GALNT10: variants seen among roughly 807,000 people sequenced by gnomAD.
GALNT10 encodes GalNAc transferase 10.
Under a neutral mutation model 75.0 loss-of-function variants are expected in GALNT10, and 41 were observed. That is an observed-to-expected ratio of 0.55 (90% CI 0.43 to 0.71). GALNT10 has a LOEUF of 0.71. Among genes scored for constraint, GALNT10 ranks in the 30% least tolerant of loss-of-function variants. GALNT10 has a pLI of 0.00. For synonymous variants in GALNT10, 302 were observed against 313.0 expected (o/e 0.96, Z 0.37); for missense variants, 727 against 818.5 (o/e 0.89, Z 1.36).
At chr5:154,220,992 T>C (rs1410457331) in intron 1 of GALNT10, among the ~76,000 whole-genome samples, 1 of 152,248 alleles carries the variant, frequency 6.6e-6, no homozygotes, top group Non-Finnish European at 1.5e-5. Flanking sequence ...TAAAGCCATC[T>C]GTGCCTGCAG....
intron 1 of GALNT10, among the ~76,000 whole-genome samples, chr5:154,253,281 T>G (rs9324767): frequency 6.7e-6 from 1 of 149,880 alleles, no homozygotes; most frequent in Non-Finnish European, 1.5e-5. Flanking sequence ...TCTCAGCAAA[T>G]TATCGCGAGG....
chr5:154,204,038 G>C (rs892316651), intron 1 of GALNT10, among the ~76,000 whole-genome samples: 6 of 152,218 alleles, frequency 3.9e-5, no homozygotes, highest in African/African-American at 1.2e-4. Context: ...GCCAGGCCAT[G>C]GTTTGCTGAC....
intron 1 of GALNT10, among the ~76,000 whole-genome samples, chr5:154,254,177 T>C (rs1753571782): frequency 6.6e-6 from 1 of 152,208 alleles, no homozygotes; most frequent in Non-Finnish European, 1.5e-5. Context: ...AGTGGTTTGC[T>C]CTCACCCACT....
intron 7 of GALNT10, among the ~76,000 whole-genome samples, chr5:154,394,775 C>T (rs1474875188): frequency 6.6e-6 from 1 of 152,232 alleles, no homozygotes; most frequent in South Asian, 2.1e-4. Flanking sequence ...TTTTCCCTGC[C>T]CCTACCAGCA....
At chr5:154,214,375 G>A (rs1005251279) in intron 1 of GALNT10, among the ~76,000 whole-genome samples, 6 of 152,030 alleles carry the variant, frequency 3.9e-5, no homozygotes, top group African/African-American at 9.7e-5. Flanking sequence ...CTGCTCTGCC[G>A]GTTCATTGTG....
chr5:154,253,483 G>A (rs1581940402), intron 1 of GALNT10, among the ~76,000 whole-genome samples: 1 of 152,098 alleles, frequency 6.6e-6, no homozygotes, highest in East Asian at 1.9e-4. Context: ...CATGGCATAT[G>A]TAACAAACCT....
intron 1 of GALNT10, among the ~76,000 whole-genome samples, chr5:154,284,703 G>A (rs1754087748): frequency 6.6e-6 from 1 of 152,174 alleles, no homozygotes; most frequent in South Asian, 2.1e-4. Context: ...TGGTACAGAA[G>A]TATGATTCAT....
chr5:154,279,003 T>C (rs1051216582), intron 1 of GALNT10, among the ~76,000 whole-genome samples: 17 of 152,232 alleles, frequency 1.1e-4, no homozygotes, highest in Admixed American at 1.3e-4. Flanking sequence ...GTGACTATTA[T>C]GAACATTGGC....
intron 4 of GALNT10, among the ~76,000 whole-genome samples, chr5:154,343,145 G>A (rs1318632200): frequency 2.0e-5 from 3 of 150,890 alleles, no homozygotes; most frequent in African/African-American, 7.3e-5. Context: ...TCTCGGTGGA[G>A]TCCAGGAATC....
At chr5:154,404,409 G>A (rs1299648176) in intron 8 of GALNT10, among the ~76,000 whole-genome samples, 198 bp downstream of exon 8, 1 of 152,310 alleles carries the variant, frequency 6.6e-6, no homozygotes, top group South Asian at 2.1e-4. Flanking sequence ...GACCTGGGGA[G>A]GGTTGCTTAA....
At chr5:154,225,696 G>T (rs1415768160) in intron 1 of GALNT10, among the ~76,000 whole-genome samples, 2 of 73,678 alleles carry the variant, frequency 2.7e-5, no homozygotes, top group East Asian at 4.5e-3. Flanking sequence ...GAGCCACTAT[G>T]CCCAGCCAAA....
chr5:154,332,622 G>A (rs1441164916), intron 4 of GALNT10, among the ~76,000 whole-genome samples: 1 of 152,184 alleles, frequency 6.6e-6, no homozygotes, highest in Non-Finnish European at 1.5e-5. Flanking sequence ...GAGGTGATTA[G>A]TAAATGTTTG....
chr5:154,413,966 A>T (rs1756452637), intron 10 of GALNT10, among the ~76,000 whole-genome samples: 1 of 152,198 alleles, frequency 6.6e-6, no homozygotes, highest in Non-Finnish European at 1.5e-5. Context: ...AAAAGTCAAT[A>T]ATTTTTTTAA....
chr5:154,400,102 T>C (rs976962458), intron 7 of GALNT10, among the ~76,000 whole-genome samples: 1 of 152,156 alleles, frequency 6.6e-6, no homozygotes, highest in Non-Finnish European at 1.5e-5. Context: ...TGTGATACTG[T>C]TCTCTAGCCT....
Position 154,334,406 on chromosome 5 carries a change from G to A in GALNT10, c.568+4668G>A, listed in dbSNP as rs1047656953. The stretch of plus-strand genomic sequence containing the variant: ...TGCTCGAGGATTAGGAGAACATTGA[G>A]GTGTTTTTGCACATGTGGAAGGGAA... On this transcript the variant is annotated intron_variant, in intron 4 of 11. Coordinates refer to ENST00000297107, the MANE Select transcript of GALNT10 (RefSeq NM_198321.4). 2.6e-5 allele frequency among the ~76,000 whole-genome samples: 4 copies of A among 152,326 alleles called. No homozygotes were observed. The East Asian group carries it at 7.7e-4, about 29-fold the overall frequency.
At chr5:154,330,624 G>A (rs1754841854) in intron 4 of GALNT10, among the ~76,000 whole-genome samples, 1 of 152,098 alleles carries the variant, frequency 6.6e-6, no homozygotes, top group African/African-American at 2.4e-5. Context: ...CACAGAGATG[G>A]GGCCAAAAGT....
chr5:154,239,722 C>T (rs1753303608), intron 1 of GALNT10, among the ~76,000 whole-genome samples: 1 of 152,206 alleles, frequency 6.6e-6, no homozygotes, highest in African/African-American at 2.4e-5. Flanking sequence ...TTCCTGTCCT[C>T]AACCAGCTCA....
intron 7 of GALNT10, among the ~76,000 whole-genome samples, chr5:154,394,248 G>T (rs1292282159): frequency 6.6e-6 from 1 of 151,774 alleles, no homozygotes; most frequent in Non-Finnish European, 1.5e-5. Flanking sequence ...GAGGAGACTG[G>T]GGTTCGCTTT....
intron 1 of GALNT10, among the ~76,000 whole-genome samples, chr5:154,284,154 G>A (rs1314315060): frequency 6.6e-6 from 1 of 152,194 alleles, no homozygotes; most frequent in Admixed American, 6.5e-5. Context: ...AGCTATACTT[G>A]CTGCATCTCA....
Sources: gnomAD v4.1 joint callset for allele counts (sites outside exome capture counted in the v4.1 genomes callset) on GRCh38, gnomAD v4.1.1 for gene constraint, MANE v1.5 for transcripts, NCBI Gene and HGNC (gene_info 2026-07-23, HGNC 2026-07-21) for gene names.